The following ZBTB20 variants were observed in gnomAD, a reference collection of about 807,000 sequenced individuals.
The protein encoded by ZBTB20 is zinc finger and BTB domain-containing protein 20.
In ZBTB20, 9 loss-of-function variants were observed where a neutral mutation model predicts 56.9. The observed-to-expected ratio is 0.16, with a 90% CI of 0.10 to 0.28. The LOEUF is 0.28. Among genes scored for constraint, ZBTB20 ranks in the 10% least tolerant of loss-of-function variants. ZBTB20 has a pLI of 1.00. For missense variants in ZBTB20, 655 were observed against 1,003.0 expected (o/e 0.65, Z 4.69); for synonymous variants, 417 against 420.7 (o/e 0.99, Z 0.11).
chr3:114,716,144 G>A (rs1032299717), intron 5 of ZBTB20, among the ~76,000 whole-genome samples: 9 of 152,030 alleles, frequency 5.9e-5, no homozygotes, highest in African/African-American at 1.4e-4. Flanking sequence ...GAACATTTCC[G>A]AAATACACAC....
At chr3:114,714,286 A>G (rs1304544566) in intron 5 of ZBTB20, among the ~76,000 whole-genome samples, 1 of 152,220 alleles carries the variant, frequency 6.6e-6, no homozygotes, top group African/African-American at 2.4e-5. Context: ...TGAGATGAAC[A>G]TGCTTCAGGG....
intron 11 of ZBTB20, among the ~76,000 whole-genome samples, chr3:114,344,148 G>C (rs2080008508): frequency 6.6e-6 from 1 of 152,176 alleles, no homozygotes; most frequent in African/African-American, 2.4e-5. Context: ...TTGCCAGCTT[G>C]GACTGTGAGG....
intron 2 of ZBTB20, among the ~76,000 whole-genome samples, chr3:115,043,217 C>T (rs1229034121): frequency 6.6e-6 from 1 of 152,002 alleles, no homozygotes; most frequent in East Asian, 1.9e-4. Context: ...TGTTTTAACA[C>T]TGAAAATACA....
At chr3:114,505,043 A>G (rs2044431717) in intron 6 of ZBTB20, among the ~76,000 whole-genome samples, 1 of 152,160 alleles carries the variant, frequency 6.6e-6, no homozygotes, top group African/African-American at 2.4e-5. Flanking sequence ...TTGGAAGCAG[A>G]CAGGTTTGGC....
chr3:114,656,088 T>G (rs9872833), intron 6 of ZBTB20, among the ~76,000 whole-genome samples: 9,594 of 152,198 alleles, frequency 0.063, 625 homozygotes, highest in East Asian at 0.16. Flanking sequence ...AAATTCTGGT[T>G]TTGCAGTTGT....
chr3:115,041,706 G>C (rs1349929802), intron 2 of ZBTB20, among the ~76,000 whole-genome samples: 1 of 152,140 alleles, frequency 6.6e-6, no homozygotes. Context: ...AAGATGATTA[G>C]TAAGAAACAC....
chr3:115,087,537 A>G (rs2083032713), intron 1 of ZBTB20, among the ~76,000 whole-genome samples: 1 of 151,928 alleles, frequency 6.6e-6, no homozygotes, highest in Non-Finnish European at 1.5e-5. Flanking sequence ...GAAAAGAAGG[A>G]AAGAAAACGT....
chr3:114,563,136 G>A (rs751158959), intron 6 of ZBTB20, among the ~76,000 whole-genome samples: 3 of 152,148 alleles, frequency 2.0e-5, no homozygotes, highest in Non-Finnish European at 4.4e-5. Context: ...GCAATAGAAA[G>A]AGGTATGCTT....
intron 2 of ZBTB20, among the ~76,000 whole-genome samples, chr3:115,005,407 CAT>C (rs997383609): frequency 5.1e-4 from 77 of 151,692 alleles, no homozygotes; most frequent in South Asian, 4.6e-3. Context: ...AAATTATACA[CAT>C]GTTTGAAAAC....
At chr3:114,883,545 C>A (rs77478837) in intron 4 of ZBTB20, among the ~76,000 whole-genome samples, 3 of 152,014 alleles carry the variant, frequency 2.0e-5, no homozygotes, top group Non-Finnish European at 4.4e-5. Context: ...GTATATATTG[C>A]CACAAGCACT....
chr3:114,504,713 C>A (rs988073241), intron 6 of ZBTB20, among the ~76,000 whole-genome samples: 2 of 152,096 alleles, frequency 1.3e-5, no homozygotes, highest in African/African-American at 4.8e-5. Flanking sequence ...TGGCAGGCAC[C>A]CTTAGTATTG....
chr3:114,977,671 A>G (rs2108068187), intron 2 of ZBTB20, among the ~76,000 whole-genome samples: 1 of 152,316 alleles, frequency 6.6e-6, no homozygotes, highest in Middle Eastern at 3.4e-3. Flanking sequence ...TATAATATAT[A>G]AAACAATCAA....
intron 3 of ZBTB20, among the ~76,000 whole-genome samples, chr3:114,968,634 G>A (rs7635579): frequency 0.091 from 13,874 of 152,030 alleles, 1,864 homozygotes; most frequent in African/African-American, 0.29. Flanking sequence ...TGAGAAAAAA[G>A]AAAACACACT....
At chr3:115,064,157 A>C (rs2108488127) in intron 2 of ZBTB20, among the ~76,000 whole-genome samples, 1 of 152,194 alleles carries the variant, frequency 6.6e-6, no homozygotes, top group African/African-American at 2.4e-5. Context: ...TCAAGTAAAG[A>C]CTGCTTATTT....
At chr3:115,003,110 T>A (rs901293959) in intron 2 of ZBTB20, among the ~76,000 whole-genome samples, 3 of 151,562 alleles carry the variant, frequency 2.0e-5, no homozygotes, top group Admixed American at 1.3e-4. Flanking sequence ...ATGGCAAAAC[T>A]ATAGATACCG....
chr3:114,723,925 G>A (rs983281533), intron 5 of ZBTB20, among the ~76,000 whole-genome samples: 4 of 151,754 alleles, frequency 2.6e-5, no homozygotes, highest in Admixed American at 2.6e-4. Flanking sequence ...CAGGACTGCA[G>A]TGGCGCTATC....
rs1426953003 is a variant in ZBTB20 at position 115,064,948 on chromosome 3, G to A, written c.-507+6271C>T. Among the ~76,000 whole-genome samples, 6 of 151,930 alleles carry A rather than the reference G, an allele frequency of 3.9e-5. No homozygotes were observed. The East Asian group carries it at 9.6e-4, about 24-fold the overall frequency. On this transcript the variant is annotated intron_variant, in intron 2 of 11. Coordinates refer to ENST00000675478, the MANE Select transcript of ZBTB20 (RefSeq NM_001348800.3). ...TGTGGAATTGCTTTCACATTTTTAT[G>A]GGCACTCAGAAGATCCTTCCAAACT...
At chr3:114,543,319 G>T (rs905612851) in intron 6 of ZBTB20, among the ~76,000 whole-genome samples, 7 of 151,720 alleles carry the variant, frequency 4.6e-5, no homozygotes, top group African/African-American at 1.7e-4. Flanking sequence ...TACAAATGTA[G>T]AACCCATAAA....
intron 6 of ZBTB20, among the ~76,000 whole-genome samples, chr3:114,578,996 A>C (rs7610932): frequency 0.15 from 22,130 of 151,812 alleles, 1,876 homozygotes; most frequent in Admixed American, 0.25. Flanking sequence ...ATTGATACTT[A>C]ATAGGTAATT....
Sources: gnomAD v4.1 joint callset for allele counts (sites outside exome capture counted in the v4.1 genomes callset) on GRCh38, gnomAD v4.1.1 for gene constraint, MANE v1.5 for transcripts, NCBI Gene and HGNC (gene_info 2026-07-23, HGNC 2026-07-21) for gene names.